Variants in ADSL observed in about 807,000 individuals in gnomAD.
The protein encoded by ADSL is adenylosuccinate lyase.
In ADSL, 44 loss-of-function variants were observed where a neutral mutation model predicts 62.1. The observed-to-expected ratio is 0.71, with a 90% CI of 0.56 to 0.91. The LOEUF (loss-of-function observed/expected upper bound fraction) is 0.91, where lower values mean the gene tolerates loss of function less well. ADSL is among the 40% of genes least tolerant of loss of function. The pLI, the probability that ADSL is intolerant of heterozygous loss-of-function variation, is 0.00. For missense variants in ADSL, 531 were observed against 627.4 expected (o/e 0.85, Z 1.64); for synonymous variants, 198 against 220.5 (o/e 0.90, Z 0.90).
intron 2 of ADSL, among the ~76,000 whole-genome samples, chr22:40,386,471 C>T (rs2048461916): frequency 6.7e-6 from 1 of 149,966 alleles, no homozygotes; most frequent in Non-Finnish European, 1.5e-5. Context: ...GTTTTTGATT[C>T]AGTTTCAGAT....
At chr22:40,371,863 A>T (rs2045566522), downstream of ADSL, among the ~76,000 whole-genome samples, 1 of 150,486 alleles carries the variant, frequency 6.6e-6, no homozygotes, top group Non-Finnish European at 1.5e-5. Context: ...CGCCCGGCTA[A>T]TTTGTGTATT....
At chr22:40,363,317 G>A (rs1308511417) in intron 10 of ADSL, among the ~76,000 whole-genome samples, 2 of 152,188 alleles carry the variant, frequency 1.3e-5, no homozygotes, top group Non-Finnish European at 2.9e-5. Flanking sequence ...ATCAGCTCTG[G>A]TGTGACTAGG....
downstream of ADSL, among the ~76,000 whole-genome samples, chr22:40,370,172 T>C (rs2045167264): frequency 6.6e-6 from 1 of 151,832 alleles, no homozygotes; most frequent in African/African-American, 2.4e-5. Context: ...AAACCCCGTC[T>C]CTACTAAAAA....
intron 7 of ADSL, 45 bp downstream of exon 7, chr22:40,360,537 C>A: frequency 7.3e-7 from 1 of 1,370,890 alleles, no homozygotes; most frequent in Non-Finnish European, 1.0e-6. Flanking sequence ...GCTTTGGGCA[C>A]CACAGACAGA....
chr22:40,351,114 G>A (rs372872394), intron 2 of ADSL, among the ~76,000 whole-genome samples: 1 of 151,950 alleles, frequency 6.6e-6, no homozygotes, highest in African/African-American at 2.4e-5. Context: ...CCCACCTCGG[G>A]CTCCTGAGTA....
chr22:40,353,378 C>T (rs1213517905), intron 3 of ADSL: 15 of 702,414 alleles, frequency 2.1e-5, no homozygotes, highest in Admixed American at 1.4e-4. Context: ...TTGCAACCTC[C>T]GCCTCCCAGG....
At chr22:40,354,091 C>A in intron 3 of ADSL, 157 bp from the exon 4 acceptor site, 2 of 753,394 alleles carry the variant, frequency 2.7e-6, no homozygotes, top group Non-Finnish European at 2.4e-6. Flanking sequence ...TGAACTCTTC[C>A]AGGCACTTTA....
intron 2 of ADSL, among the ~76,000 whole-genome samples, chr22:40,386,934 CAAA>C (rs891967960): frequency 1.4e-4 from 21 of 152,090 alleles, no homozygotes; most frequent in African/African-American, 5.1e-4. Flanking sequence ...TTTTCACACA[CAAA>C]AAATTTTTTT....
chr22:40,372,099 G>A (rs373039079), downstream of ADSL, among the ~76,000 whole-genome samples: 72 of 130,784 alleles, frequency 5.5e-4, 1 homozygote, highest in South Asian at 0.011. Flanking sequence ...CTGAGCTTTA[G>A]TTCTTCTCCC....
downstream of ADSL, among the ~76,000 whole-genome samples, chr22:40,369,734 A>C (rs1163609238): frequency 6.6e-6 from 1 of 151,864 alleles, no homozygotes; most frequent in East Asian, 1.9e-4. Flanking sequence ...TATTTTCTTT[A>C]AGATTGGTTT....
At chr22:40,365,403 A>T (rs1258163220) in intron 12 of ADSL, among the ~76,000 whole-genome samples, 1 of 152,094 alleles carries the variant, frequency 6.6e-6, no homozygotes, top group African/African-American at 2.4e-5. Flanking sequence ...GGTATAATGG[A>T]CAAAGAATTA....
intron 2 of ADSL, among the ~76,000 whole-genome samples, chr22:40,384,435 A>AGG (rs1227077773): frequency 6.6e-6 from 1 of 152,190 alleles, no homozygotes; most frequent in Non-Finnish European, 1.5e-5. Flanking sequence ...TGGATAACAT[A>AGG]GGGAGACCCC....
intron 2 of ADSL, among the ~76,000 whole-genome samples, chr22:40,380,381 T>C (rs911130774): frequency 2.6e-5 from 4 of 151,124 alleles, no homozygotes; most frequent in South Asian, 2.1e-4. Flanking sequence ...TTTTTTTTTT[T>C]CCTGAGACAG....
intron 2 of ADSL, among the ~76,000 whole-genome samples, chr22:40,385,583 G>C (rs2048286340): frequency 6.6e-6 from 1 of 152,196 alleles, no homozygotes; most frequent in South Asian, 2.1e-4. Flanking sequence ...TTTTGACACG[G>C]AGAATAAGGA....
chr22:40,360,517 G>A (rs1408991025), intron 7 of ADSL, 25 bp downstream of exon 7: 2 of 1,573,308 alleles, frequency 1.3e-6, no homozygotes, highest in Non-Finnish European at 1.7e-6. Flanking sequence ...CATGTGGGGT[G>A]GGGACAGGAG....
Position 40,346,558 on chromosome 22 carries a change from G to A in ADSL, c.-1G>A, listed in dbSNP as rs2044145133. 2 of 1,603,846 alleles carry A rather than the reference G, an allele frequency of 1.2e-6. No homozygotes were observed. The highest frequency in any genetic ancestry group is 1.3e-5 in the African/African-American group (1 of 74,948). The stretch of plus-strand genomic sequence containing the variant: ...CACCCTGGCGGGGTCGCAGGGTTGG[G>A]ATGGCGGCTGGAGGCGATCATGGTT... On this transcript the variant is annotated 5_prime_UTR_variant, in exon 1 of 13. Coordinates refer to ENST00000623063, the MANE Select transcript of ADSL (RefSeq NM_000026.4).
At chr22:40,348,129 GAAAA>G (rs1163940298) in intron 1 of ADSL, among the ~76,000 whole-genome samples, 2 of 152,178 alleles carry the variant, frequency 1.3e-5, no homozygotes, top group African/African-American at 4.8e-5. Context: ...TAGTAGCTAA[GAAAA>G]AACTTGGAGA....
downstream of ADSL, among the ~76,000 whole-genome samples, chr22:40,372,117 C>T (rs941316184): frequency 3.3e-5 from 4 of 119,658 alleles, no homozygotes; most frequent in South Asian, 3.0e-4. Context: ...CCCTGTCCCC[C>T]CCCCCTTTTT....
intron 2 of ADSL, among the ~76,000 whole-genome samples, chr22:40,376,755 C>T (rs559178334): frequency 6.6e-6 from 1 of 152,118 alleles, no homozygotes; most frequent in South Asian, 2.1e-4. Context: ...AGAGTTTATG[C>T]TCATAATCTC....
Sources: gnomAD v4.1 joint callset for allele counts (sites outside exome capture counted in the v4.1 genomes callset) on GRCh38, gnomAD v4.1.1 for gene constraint, MANE v1.5 for transcripts, NCBI Gene and HGNC (gene_info 2026-07-23, HGNC 2026-07-21) for gene names.